The following SH3GL1 variants were observed in gnomAD, a reference collection of about 807,000 sequenced individuals.
SH3GL1 encodes the protein endophilin-A2.
SH3GL1 carries 21 observed loss-of-function variants against 48.8 expected under a neutral mutation model. That is an observed-to-expected ratio of 0.43 (90% CI 0.30 to 0.62). SH3GL1 has a LOEUF of 0.62. Ranked by LOEUF, SH3GL1 falls within the 20% of genes least tolerant of loss-of-function variation. The pLI is 0.11. For synonymous variants in SH3GL1, 282 were observed against 217.5 expected, an observed-to-expected ratio of 1.30 and a Z score of -2.61; for missense variants, 454 against 503.0, an observed-to-expected ratio of 0.90 and a Z score of 0.93.
chr19:4,365,494 C>T lies in SH3GL1; in HGVS notation c.319G>A (p.Glu107Lys), dbSNP rs751539443. ...MIRHGKELGG[E>K]SNFGDALLDA... ...GAGCACCACTCACCAAAGTTGGACT[C>T]GCCGCCCAGCTCCTTCCCGTGGCGG... Residue 107 changes from glutamate to lysine, a missense_variant, in exon 4 of 10, where the codon GAG (glutamate) becomes AAG (lysine). By Grantham distance (56) the Glu-to-Lys change is moderately conservative. This residue lies in a region of SH3GL1 where 176 missense variants were observed against 256.2 expected (regional missense o/e 0.69). Transcript: ENST00000269886. The T allele has an allele frequency of 1.5e-5, 24 of 1,613,632 alleles. No individual in the cohort carries two copies. The highest frequency in any genetic ancestry group is 8.3e-5 in the Admixed American group (5 of 60,000).
In SH3GL1 at chr19:4,399,084, C is replaced by A. The variant is rs1973473218; in HGVS notation, c.45+1240G>T. Among the ~76,000 whole-genome samples the A allele has an allele frequency of 2.0e-5, 3 of 152,186 alleles. No homozygotes were observed. In the South Asian group the frequency reaches 6.2e-4, roughly 32 times the overall value. On this transcript the variant is annotated intron_variant, in intron 1 of 9. Transcript: ENST00000269886. ...TCGATAATCCCAGCATGTTGGGAAG[C>A]CGAAGCAGGCGGATTACTTGAGGCC...
At chr19:4,399,805 C>A (rs1166032132) in intron 1 of SH3GL1, among the ~76,000 whole-genome samples, 1 of 152,218 alleles carries the variant, frequency 6.6e-6, no homozygotes, top group South Asian at 2.1e-4. Flanking sequence ...AAGGGACATA[C>A]GGAGTCGATG....
Position 4,363,463 on chromosome 19 carries a change from A to C in SH3GL1, c.635T>G (p.Val212Gly), listed in dbSNP as rs1455356862. 3.7e-6 allele frequency: 6 copies of C among 1,612,066 alleles called. No individual in the cohort carries two copies. The highest frequency in any genetic ancestry group is 5.1e-6 in the Non-Finnish European group (6 of 1,179,352). The change falls in exon 7 of 10, where the codon GTG becomes GGG. Residue 212 changes from valine (V) to glycine (G), a missense_variant. Transcript: ENST00000269886. ...HNLLETDIEQ[V>G]SQLSALVDAQ... ...ATCCACCAGGGCCGAGAGCTGACTC[A>C]CCTGCTCGATCTGTGGGGACAGTAG...
chr19:4,365,151 C>A (rs1972746001), intron 4 of SH3GL1, among the ~76,000 whole-genome samples: 1 of 152,096 alleles, frequency 6.6e-6, no homozygotes, highest in Admixed American at 6.6e-5. Context: ...CGAATCGATG[C>A]TGGACGTTAA....
chr19:4,365,770 G>A, intron 3 of SH3GL1, 145 bp from the exon 4 acceptor site: 1 of 1,202,412 alleles, frequency 8.3e-7, no homozygotes, highest in Middle Eastern at 2.3e-4. Flanking sequence ...GGAATCCCCA[G>A]AGGGTCCCTT....
chr19:4,400,491 T>C lies in SH3GL1; in HGVS notation c.-123A>G. The C allele has an allele frequency of 1.2e-6, 1 of 840,512 alleles. No individual in the cohort carries two copies. Among genetic ancestry groups the C allele is most frequent in the Non-Finnish European group, 1.5e-6 (1 of 672,318 alleles). The allele number at this position is 840,512 out of a possible 1,614,324, so 52.1% of individuals were successfully genotyped here. A position where few individuals can be genotyped will look rare whatever the true frequency, so the allele number is the denominator to read the frequency against. On this transcript the variant is annotated 5_prime_UTR_variant, in exon 1 of 10. Transcript: ENST00000269886. The surrounding 1 kb of genome is among the most constrained non-coding windows in gnomAD (Gnocchi z 4.1). ...CCGCCTCCGCCACCCGCTTGCCAGC[T>C]CCGCGCCCGCCCCGGCGCCGCCTCA...
intron 1 of SH3GL1, among the ~76,000 whole-genome samples, chr19:4,392,554 AC>A (rs1973356475): frequency 1.4e-5 from 2 of 143,128 alleles, no homozygotes; most frequent in African/African-American, 5.6e-5. Flanking sequence ...ACACACACAC[AC>A]ACACACACAC....
intron 1 of SH3GL1, among the ~76,000 whole-genome samples, chr19:4,399,190 C>T (rs1246730782): frequency 1.3e-5 from 2 of 151,846 alleles, no homozygotes; most frequent in African/African-American, 4.8e-5. Context: ...CGTGGTGGCG[C>T]ATGCCTGTAG....
rs572481779 is a variant in SH3GL1 at position 4,366,209 on chromosome 19, A to G, written c.187+292T>C. On this transcript the variant is annotated intron_variant, in intron 3 of 9. Transcript: ENST00000269886. ...GCGGCCAATACAAATGGATCCCACA[A>G]GTAAGCTGGGGGAGAGGCTCCCTGC... 4.6e-5 allele frequency among the ~76,000 whole-genome samples: 7 copies of G among 152,306 alleles called. No individual in the cohort carries two copies. The South Asian group carries it at 1.2e-3, about 27-fold the overall frequency.
At chr19:4,366,620 A>G in intron 2 of SH3GL1, 47 bp from the exon 3 acceptor site, 1 of 1,537,630 alleles carries the variant, frequency 6.5e-7, no homozygotes, top group African/African-American at 1.4e-5. Flanking sequence ...GTGGGGGCCC[A>G]AGGCACACAA....
intron 1 of SH3GL1, among the ~76,000 whole-genome samples, chr19:4,371,607 C>T (rs1972902780): frequency 6.6e-6 from 1 of 152,190 alleles, no homozygotes; most frequent in African/African-American, 2.4e-5. Flanking sequence ...CAAGGGAGGG[C>T]TGCTGTGGCC....
intron 1 of SH3GL1, among the ~76,000 whole-genome samples, chr19:4,399,630 C>G (rs1973486095): frequency 1.4e-5 from 2 of 144,028 alleles, no homozygotes; most frequent in African/African-American, 5.2e-5. Flanking sequence ...ACGGCCCCAC[C>G]ACGGAGAACA....
chr19:4,372,828 G>A (rs1270869067), intron 1 of SH3GL1, among the ~76,000 whole-genome samples: 3 of 152,238 alleles, frequency 2.0e-5, no homozygotes, highest in Non-Finnish European at 4.4e-5. Context: ...CAGGCTCCTG[G>A]CTTGCTGATG....
At chr19:4,385,641 C>A (rs1052483621) in intron 1 of SH3GL1, among the ~76,000 whole-genome samples, 2 of 152,192 alleles carry the variant, frequency 1.3e-5, no homozygotes, top group Non-Finnish European at 2.9e-5. Flanking sequence ...GGCACAGGGA[C>A]CCCACTCAAC....
At chr19:4,371,334 G>A (rs1033337966) in intron 1 of SH3GL1, among the ~76,000 whole-genome samples, 12 of 152,254 alleles carry the variant, frequency 7.9e-5, no homozygotes, top group African/African-American at 2.9e-4. Context: ...GGTGTGGGCA[G>A]CTGCCCTGTG....
intron 1 of SH3GL1, among the ~76,000 whole-genome samples, chr19:4,390,943 C>T (rs1288295350): frequency 2.0e-5 from 3 of 152,148 alleles, no homozygotes; most frequent in Non-Finnish European, 4.4e-5. Flanking sequence ...ACGACGTTTC[C>T]CCAGATCAGA....
In SH3GL1 at chr19:4,371,427, G is replaced by A. The variant is rs975492365; in HGVS notation, c.46-4433C>T. Among the ~76,000 whole-genome samples, 5 of 152,370 alleles carry A rather than the reference G, an allele frequency of 3.3e-5. 1 individual carries two copies. In the South Asian group the frequency reaches 8.3e-4, roughly 25 times the overall value. On this transcript the variant is annotated intron_variant, in intron 1 of 9. Coordinates refer to ENST00000269886, the MANE Select transcript of SH3GL1 (RefSeq NM_003025.4). ...CTGCCGAGTGGAGCTGGCTGCTGCCGATGGGCGGCCTTGGGATTTAAACAT... is the reference window on the plus strand; with the variant it reads ...CTGCCGAGTGGAGCTGGCTGCTGCCAATGGGCGGCCTTGGGATTTAAACAT...
Position 4,400,287 on chromosome 19 carries a change from G to A in SH3GL1, c.45+37C>T. On this transcript the variant is annotated intron_variant, in intron 1 of 9. Coordinates refer to ENST00000269886, the MANE Select transcript of SH3GL1 (RefSeq NM_003025.4). This position sits in a 1 kb window ranked among gnomAD's most constrained non-coding sequence, Gnocchi z 4.1. ...TGGCTCCCTCATCCGGGCAGCCCGG[G>A]GCCCGGTACTCGGCTCCCGCCTGGG... 6.3e-7 allele frequency: 1 copy of A among 1,585,714 alleles called. No homozygotes were observed. Among genetic ancestry groups the A allele is most frequent in the Non-Finnish European group, 8.5e-7 (1 of 1,169,674 alleles).
chr19:4,362,341 T>G lies in SH3GL1; in HGVS notation c.898A>C (p.Ser300Arg). 1.2e-6 allele frequency: 2 copies of G among 1,612,206 alleles called. No homozygotes were observed. Among genetic ancestry groups the G allele is most frequent in the Non-Finnish European group, 1.7e-6 (2 of 1,179,110 alleles). Residue 300 changes from serine to arginine, a missense_variant, in exon 9 of 10, where the codon AGC (serine) becomes CGC (arginine). Coordinates refer to ENST00000269886, the MANE Select transcript of SH3GL1 (RefSeq NM_003025.4). Reference protein sequence around the residue: ...RSSDKPIRTPSRSMPPLDQPS... With the variant: ...RSSDKPIRTPRRSMPPLDQPS... ...TGGGAACACTCACGCATGCTCCGGC[T>G]AGGGGTCCGGATGGGCTTGTCGGAA... is the stretch of plus-strand genomic sequence containing the variant.
Sources: gnomAD v4.1 joint callset for allele counts (sites outside exome capture counted in the v4.1 genomes callset) on GRCh38, gnomAD v4.1.1 for gene constraint, gnomAD v4.1.1 regional missense constraint, Gnocchi (gnomAD v3.1) non-coding constraint, MANE v1.5 for transcripts, NCBI Gene and HGNC (gene_info 2026-07-23, HGNC 2026-07-21) for gene names.